Variants in ULK4 observed in about 807,000 individuals in gnomAD.
ULK4 encodes inactive serine/threonine-protein kinase ULK4.
In ULK4, 133 loss-of-function variants were observed where a neutral mutation model predicts 160.6. The ratio of observed to expected loss-of-function variants is 0.83; its 90% CI spans 0.72 to 0.96. The LOEUF (loss-of-function observed/expected upper bound fraction) is 0.96, where lower values mean the gene tolerates loss of function less well. ULK4 is among the 40% of genes least tolerant of loss of function. The pLI is 0.00. For missense variants in ULK4, 1,580 were observed against 1,499.5 expected (o/e 1.05, Z -0.89); for synonymous variants, 534 against 539.8 (o/e 0.99, Z 0.15).
chr3:41,686,460 AATTTGATGACTTGGGTCTTTT>A (rs1213876854), intron 27 of ULK4, among the ~76,000 whole-genome samples: 1 of 151,896 alleles, frequency 6.6e-6, no homozygotes, highest in Non-Finnish European at 1.5e-5. Flanking sequence ...TAGAGCCTCT[AATTTGATGACTTGGGTCTTTT>A]ATGTGTGTGT....
intron 27 of ULK4, among the ~76,000 whole-genome samples, chr3:41,695,613 T>C (rs565263721): frequency 2.0e-5 from 3 of 152,250 alleles, no homozygotes; most frequent in African/African-American, 7.2e-5. Context: ...AATGAAGTCA[T>C]TGATAAAAAC....
At chr3:41,258,151 C>G (rs2078870845) in intron 35 of ULK4, among the ~76,000 whole-genome samples, 1 of 152,204 alleles carries the variant, frequency 6.6e-6, no homozygotes, top group South Asian at 2.1e-4. Context: ...TTAGATTCCA[C>G]TGTATCTGCT....
chr3:41,253,644 A>C (rs1037269698), intron 35 of ULK4, among the ~76,000 whole-genome samples: 1 of 152,180 alleles, frequency 6.6e-6, no homozygotes, highest in Non-Finnish European at 1.5e-5. Flanking sequence ...AAATCAAATA[A>C]AAAGGCAAAC....
At chr3:41,470,742 C>T (rs1193664284) in intron 32 of ULK4, among the ~76,000 whole-genome samples, 1 of 152,056 alleles carries the variant, frequency 6.6e-6, no homozygotes, top group Non-Finnish European at 1.5e-5. Flanking sequence ...AACTGTAAAG[C>T]TGTATGCAAA....
intron 32 of ULK4, among the ~76,000 whole-genome samples, chr3:41,470,423 A>T (rs766001780): frequency 2.6e-5 from 4 of 152,196 alleles, no homozygotes; most frequent in Non-Finnish European, 5.9e-5. Flanking sequence ...CAGACAAACA[A>T]ATGCTAACGG....
intron 21 of ULK4, among the ~76,000 whole-genome samples, chr3:41,770,677 A>AT (rs1371456938): frequency 1.3e-5 from 2 of 151,882 alleles, no homozygotes; most frequent in Non-Finnish European, 2.9e-5. Flanking sequence ...CGACAGGCTA[A>AT]TTTTTTTGTA....
intron 24 of ULK4, 38 bp from the exon 25 acceptor site, chr3:41,715,331 G>A: frequency 6.2e-7 from 1 of 1,611,962 alleles, no homozygotes; most frequent in Non-Finnish European, 8.5e-7. Flanking sequence ...AATTCTGGAA[G>A]CTATGTACAA....
intron 15 of ULK4, 66 bp from the exon 16 acceptor site, chr3:41,895,630 A>T (rs1698126014): frequency 9.8e-7 from 1 of 1,020,332 alleles, no homozygotes; most frequent in East Asian, 3.0e-5. Flanking sequence ...AAAACACAGA[A>T]AATGACAGCA....
Position 41,338,121 on chromosome 3 carries a change from G to GT in ULK4, c.3678+59957dup, listed in dbSNP as rs559108698. 7.9e-5 allele frequency among the ~76,000 whole-genome samples: 12 copies of GT among 152,346 alleles called. No homozygotes were observed. The South Asian group carries it at 2.5e-3, about 32-fold the overall frequency. Reference sequence around the variant, plus strand: ...AGAGAGCCTTTCAGAGAGACAACTTGTTTGAAAGGAAGTAAATAAGAAGAG... The same window carrying GT: ...AGAGAGCCTTTCAGAGAGACAACTTGTTTTGAAAGGAAGTAAATAAGAAGAG... On this transcript the variant is annotated intron_variant, in intron 35 of 36. Coordinates refer to ENST00000301831, the MANE Select transcript of ULK4 (RefSeq NM_017886.4).
At chr3:41,387,271 A>G (rs1032342962) in intron 35 of ULK4, among the ~76,000 whole-genome samples, 3 of 151,968 alleles carry the variant, frequency 2.0e-5, no homozygotes, top group Non-Finnish European at 4.4e-5. Flanking sequence ...GCTACCTACA[A>G]CTCTTTGAAA....
chr3:41,454,857 T>A (rs1466884036), intron 34 of ULK4, among the ~76,000 whole-genome samples: 4 of 151,250 alleles, frequency 2.6e-5, no homozygotes, highest in African/African-American at 9.8e-5. Flanking sequence ...CACGCCTGGC[T>A]AATTTTTTTT....
chr3:41,657,139 TA>T (rs1011745056), intron 30 of ULK4, among the ~76,000 whole-genome samples: 2 of 151,604 alleles, frequency 1.3e-5, no homozygotes, highest in African/African-American at 4.8e-5. Flanking sequence ...ACTGTTTTTT[TA>T]AAAAAAAATC....
At position 41,806,926 on chromosome 3, in the gene ULK4, T is replaced by C. The variant is rs148165660; in HGVS notation, c.1849-6633A>G. Reference sequence around the variant, plus strand: ...ACCTTGTGAGGCCATGGCAGGTGGATTGCTTGAGCTCATGAGTTTGAGACC... The same window carrying C: ...ACCTTGTGAGGCCATGGCAGGTGGACTGCTTGAGCTCATGAGTTTGAGACC... On this transcript the variant is annotated intron_variant, in intron 19 of 36. Transcript: ENST00000301831. Among the ~76,000 whole-genome samples, 49 of 152,204 alleles carry C rather than the reference T, an allele frequency of 3.2e-4. No homozygotes were observed. The East Asian group carries it at 7.3e-3, about 23-fold the overall frequency.
At chr3:41,304,642 TCAC>T (rs1433327029) in intron 35 of ULK4, among the ~76,000 whole-genome samples, 1 of 152,152 alleles carries the variant, frequency 6.6e-6, no homozygotes, top group Admixed American at 6.5e-5. Context: ...CCATAACCAA[TCAC>T]CACTACTGCT....
intron 16 of ULK4, among the ~76,000 whole-genome samples, chr3:41,890,656 G>A (rs1697895211): frequency 1.4e-5 from 2 of 145,966 alleles, no homozygotes; most frequent in Middle Eastern, 3.4e-3. Flanking sequence ...TCCAGCCTGG[G>A]CGACAGAGCA....
intron 32 of ULK4, among the ~76,000 whole-genome samples, chr3:41,533,153 C>T (rs1421565508): frequency 2.0e-5 from 3 of 152,182 alleles, no homozygotes; most frequent in Admixed American, 6.5e-5. Flanking sequence ...GCCCAGCTGA[C>T]ACTGTGGAGC....
At chr3:41,505,966 C>T (rs2085358714) in intron 32 of ULK4, among the ~76,000 whole-genome samples, 1 of 151,992 alleles carries the variant, frequency 6.6e-6, no homozygotes, top group East Asian at 1.9e-4. Context: ...ATTTATCAAA[C>T]TAAGGTAATT....
intron 30 of ULK4, among the ~76,000 whole-genome samples, chr3:41,619,451 A>T (rs961648752): frequency 6.6e-6 from 1 of 151,612 alleles, no homozygotes; most frequent in African/African-American, 2.4e-5. Context: ...AATCAAATTC[A>T]GGATTAAGAA....
At chr3:41,866,309 A>G (rs1165023787) in intron 17 of ULK4, among the ~76,000 whole-genome samples, 2 of 152,194 alleles carry the variant, frequency 1.3e-5, no homozygotes, top group Non-Finnish European at 2.9e-5. Context: ...ACTGAATATA[A>G]TTAAGTATCA....
Sources: gnomAD v4.1 joint callset for allele counts (sites outside exome capture counted in the v4.1 genomes callset) on GRCh38, gnomAD v4.1.1 for gene constraint, MANE v1.5 for transcripts, NCBI Gene and HGNC (gene_info 2026-07-23, HGNC 2026-07-21) for gene names.